Variants in BBS9 observed in about 807,000 individuals in gnomAD.
BBS9 encodes the protein protein PTHB1.
In BBS9, 89 loss-of-function variants were observed where a neutral mutation model predicts 117.7. The ratio of observed to expected loss-of-function variants is 0.76; its 90% CI spans 0.64 to 0.90. The LOEUF (loss-of-function observed/expected upper bound fraction) is 0.90. Ranked by LOEUF, BBS9 falls within the 40% of genes least tolerant of loss-of-function variation. The pLI is 0.00. For missense variants in BBS9, 982 were observed against 1,042.2 expected, an observed-to-expected ratio of 0.94 and a Z score of 0.80; for synonymous variants, 379 against 370.9, an observed-to-expected ratio of 1.02 and a Z score of -0.25.
chr7:33,585,112 AT>A (rs1860667538), intron 21 of BBS9, among the ~76,000 whole-genome samples: 1 of 152,060 alleles, frequency 6.6e-6, no homozygotes, highest in African/African-American at 2.4e-5. Flanking sequence ...TTGTAATTAT[AT>A]GCTGGATTCC....
chr7:33,152,924 C>T, intron 3 of BBS9, 73 bp downstream of exon 3: 1 of 1,497,230 alleles, frequency 6.7e-7, no homozygotes, highest in Non-Finnish European at 9.3e-7. Context: ...TTTGTGTATT[C>T]TTCAAAGAAG....
At chr7:33,543,333 G>C (rs1852720388) in intron 21 of BBS9, among the ~76,000 whole-genome samples, 1 of 150,460 alleles carries the variant, frequency 6.6e-6, no homozygotes, top group Admixed American at 6.6e-5. Context: ...AATGATTTGA[G>C]TTTGTCGTAG....
At chr7:33,131,204 T>TACTA (rs1452097080) in intron 1 of BBS9, among the ~76,000 whole-genome samples, 2 of 152,208 alleles carry the variant, frequency 1.3e-5, no homozygotes, top group Non-Finnish European at 2.9e-5. Flanking sequence ...CAACTACCAC[T>TACTA]ACTACCACTG....
intron 21 of BBS9, among the ~76,000 whole-genome samples, chr7:33,555,123 A>G (rs960679943): frequency 1.3e-5 from 2 of 152,222 alleles, no homozygotes; most frequent in African/African-American, 2.4e-5. Flanking sequence ...AGTATACAGA[A>G]TATAGCCAAT....
At chr7:33,180,697 G>T (rs1156482700) in intron 5 of BBS9, among the ~76,000 whole-genome samples, 1 of 152,124 alleles carries the variant, frequency 6.6e-6, no homozygotes, top group Non-Finnish European at 1.5e-5. Flanking sequence ...CGGCACCGAG[G>T]ACAAGCATTT....
intron 19 of BBS9, among the ~76,000 whole-genome samples, chr7:33,389,152 A>G (rs1563104928): frequency 6.6e-6 from 1 of 152,108 alleles, no homozygotes; most frequent in South Asian, 2.1e-4. Context: ...GGGTGCGTGT[A>G]TTAAGTTGTA....
intron 21 of BBS9, among the ~76,000 whole-genome samples, chr7:33,628,293 A>G (rs1049266194): frequency 5.9e-5 from 9 of 152,224 alleles, no homozygotes; most frequent in African/African-American, 2.2e-4. Flanking sequence ...CAGATGCAAA[A>G]TATTGACTAA....
chr7:33,621,665 A>G (rs1865412217), intron 21 of BBS9, among the ~76,000 whole-genome samples: 1 of 152,190 alleles, frequency 6.6e-6, no homozygotes, highest in South Asian at 2.1e-4. Flanking sequence ...TATATCATCC[A>G]GCAATCCCAC....
At position 33,467,013 on chromosome 7, in the gene BBS9, C is replaced by CAT. The variant is rs572708238; in HGVS notation, c.2116-38450_2116-38449insAT. 3.8e-3 allele frequency among the ~76,000 whole-genome samples: 388 copies of CAT among 101,982 alleles called. 1 individual carries two copies. Among genetic ancestry groups the CAT allele is most frequent in the African/African-American group, 9.3e-3 (207 of 22,146 alleles). The allele number at this position is 101,982 out of a possible 152,430, so 66.9% of individuals were successfully genotyped here. On this transcript the variant is annotated intron_variant, in intron 19 of 22. Transcript: ENST00000242067. ...ATATTCATTCATTCATTCATTCATT[C>CAT]TCTCTCTCTCTCTCTCTCTTATGAC...
intron 5 of BBS9, among the ~76,000 whole-genome samples, chr7:33,252,974 C>A (rs1482674891): frequency 1.3e-5 from 2 of 151,874 alleles, no homozygotes; most frequent in African/African-American, 2.4e-5. Flanking sequence ...TTTTGATGAA[C>A]CATTTGAAAG....
intron 21 of BBS9, among the ~76,000 whole-genome samples, chr7:33,588,212 A>T (rs763771298): frequency 3.6e-4 from 54 of 152,072 alleles, no homozygotes; most frequent in Non-Finnish European, 2.6e-4. Flanking sequence ...TATCCAGTGA[A>T]ATTCATTTCC....
chr7:33,263,594 T>C (rs533102954), intron 6 of BBS9, among the ~76,000 whole-genome samples: 1 of 152,290 alleles, frequency 6.6e-6, no homozygotes, highest in East Asian at 1.9e-4. Context: ...AAAATACTTA[T>C]AGATCATAAT....
intron 19 of BBS9, among the ~76,000 whole-genome samples, chr7:33,483,902 T>C (rs1308894527): frequency 1.3e-5 from 2 of 152,210 alleles, no homozygotes; most frequent in Non-Finnish European, 2.9e-5. Context: ...ACTCCCAAAA[T>C]GTTGGGATTT....
At chr7:33,363,341 G>A (rs1820990578) in intron 16 of BBS9, among the ~76,000 whole-genome samples, 1 of 152,112 alleles carries the variant, frequency 6.6e-6, no homozygotes, top group Admixed American at 6.5e-5. Flanking sequence ...GACCTCAGGT[G>A]ATCCACCTGT....
At chr7:33,192,819 G>T (rs1199096024) in intron 5 of BBS9, among the ~76,000 whole-genome samples, 1 of 152,188 alleles carries the variant, frequency 6.6e-6, no homozygotes. Flanking sequence ...TCACATGGCA[G>T]AAGAACAGAG....
intron 1 of BBS9, among the ~76,000 whole-genome samples, chr7:33,141,992 G>C (rs1046724735): frequency 6.6e-6 from 1 of 151,724 alleles, no homozygotes; most frequent in Non-Finnish European, 1.5e-5. Flanking sequence ...CCGGACTGCA[G>C]TGGTGCTATC....
At chr7:33,161,663 A>G (rs1280289724) in intron 4 of BBS9, among the ~76,000 whole-genome samples, 2 of 152,176 alleles carry the variant, frequency 1.3e-5, no homozygotes, top group African/African-American at 4.8e-5. Flanking sequence ...GTTAAATGGT[A>G]TTTCTGGTTA....
chr7:33,472,576 C>A (rs1841202410), intron 19 of BBS9, among the ~76,000 whole-genome samples: 1 of 152,152 alleles, frequency 6.6e-6, no homozygotes, highest in Non-Finnish European at 1.5e-5. Flanking sequence ...TGTTTATAGA[C>A]AGGCTGTCCC....
At chr7:33,453,856 T>A (rs748936067) in intron 19 of BBS9, among the ~76,000 whole-genome samples, 13 of 152,250 alleles carry the variant, frequency 8.5e-5, no homozygotes, top group Non-Finnish European at 1.6e-4. Context: ...ATTGTAAGAA[T>A]ACAGTATATA....
Sources: gnomAD v4.1 joint callset for allele counts (sites outside exome capture counted in the v4.1 genomes callset) on GRCh38, gnomAD v4.1.1 for gene constraint, MANE v1.5 for transcripts, NCBI Gene and HGNC (gene_info 2026-07-23, HGNC 2026-07-21) for gene names.